ENAH: variants seen among roughly 807,000 people sequenced by gnomAD.
The protein encoded by ENAH is protein enabled homolog.
ENAH carries 23 observed loss-of-function variants against 78.7 expected under a neutral mutation model. The ratio of observed to expected loss-of-function variants is 0.29; its 90% CI spans 0.21 to 0.41. The LOEUF (loss-of-function observed/expected upper bound fraction) is 0.41, where lower values mean the gene tolerates loss of function less well. Among genes scored for constraint, ENAH ranks in the 10% least tolerant of loss-of-function variants. The pLI, the probability that ENAH is intolerant of heterozygous loss-of-function variation, is 1.00. For synonymous variants in ENAH, 226 were observed against 241.0 expected, an observed-to-expected ratio of 0.94 and a Z score of 0.58; for missense variants, 544 against 691.0, an observed-to-expected ratio of 0.79 and a Z score of 2.39.
intron 3 of ENAH, among the ~76,000 whole-genome samples, chr1:225,533,638 T>C (rs1326582144): frequency 6.6e-6 from 1 of 152,120 alleles, no homozygotes; most frequent in Non-Finnish European, 1.5e-5. Context: ...AGAAGGTATA[T>C]AGCAAAGTCT....
Position 225,511,841 on chromosome 1 carries a change from T to A in ENAH, c.1441A>T (p.Thr481Ser). The change falls in exon 10 of 14, where the codon ACT becomes TCT. Residue 481 changes from threonine (T) to serine (S), a missense_variant. Physicochemically the swap from Thr to Ser is moderately conservative, Grantham distance 58. Transcript: ENST00000366843. ...GTACTTGTTGAAGAGGCCTTAGAAG[T>A]TACAGGCTCTGAATCTTCCTAAATA... ...EDKGEDSEPV[T>S]SKASSTSTPE... 1 of 1,605,072 alleles carries A rather than the reference T, an allele frequency of 6.2e-7. No homozygotes were observed. Among genetic ancestry groups the A allele is most frequent in the Non-Finnish European group, 8.5e-7 (1 of 1,173,176 alleles).
chr1:225,564,606 T>C (rs2096725678), intron 2 of ENAH, among the ~76,000 whole-genome samples: 1 of 151,852 alleles, frequency 6.6e-6, no homozygotes, highest in South Asian at 2.1e-4. Context: ...GTTTGGGTTT[T>C]AAAAAATAGT....
At chr1:225,617,271 A>G (rs907123056) in intron 1 of ENAH, among the ~76,000 whole-genome samples, 1 of 152,216 alleles carries the variant, frequency 6.6e-6, no homozygotes, top group Non-Finnish European at 1.5e-5. Flanking sequence ...TCTAAAAGTG[A>G]ATTTAAATTC....
At chr1:225,649,837 G>A (rs1035704047) in intron 1 of ENAH, among the ~76,000 whole-genome samples, 2 of 152,054 alleles carry the variant, frequency 1.3e-5, no homozygotes, top group African/African-American at 2.4e-5. Context: ...TAGTTATACC[G>A]TAATATATTC....
At chr1:225,531,753 AGTG>A (rs1382448142) in intron 3 of ENAH, among the ~76,000 whole-genome samples, 1 of 152,128 alleles carries the variant, frequency 6.6e-6, no homozygotes, top group Non-Finnish European at 1.5e-5. Context: ...ATTTTATACT[AGTG>A]GAGTAGATTT....
At chr1:225,591,239 CA>C (rs2096874059) in intron 1 of ENAH, among the ~76,000 whole-genome samples, 2 of 152,056 alleles carry the variant, frequency 1.3e-5, no homozygotes, top group African/African-American at 2.4e-5. Flanking sequence ...GAGGCCAAGG[CA>C]GGGGGATCAT....
intron 2 of ENAH, among the ~76,000 whole-genome samples, chr1:225,565,706 G>C (rs1483435863): frequency 6.6e-6 from 1 of 152,016 alleles, no homozygotes; most frequent in Non-Finnish European, 1.5e-5. Flanking sequence ...GTCGCTGCTG[G>C]AACAAAGACA....
intron 1 of ENAH, among the ~76,000 whole-genome samples, chr1:225,611,256 G>A (rs78766073): frequency 0.055 from 8,342 of 152,068 alleles, 355 homozygotes; most frequent in South Asian, 0.11. Context: ...ATGAGCCTGG[G>A]AGTTCTAGAC....
At chr1:225,579,237 T>C (rs977187003) in intron 1 of ENAH, among the ~76,000 whole-genome samples, 2 of 152,232 alleles carry the variant, frequency 1.3e-5, no homozygotes, top group African/African-American at 4.8e-5. Flanking sequence ...CTATAAACTA[T>C]ATTAGTTCCA....
rs1291095713 is a variant in ENAH at position 225,492,285 on chromosome 1, CCT to C, written c.*5488_*5489del. 5.3e-5 allele frequency: 8 copies of C among 152,138 alleles called. No homozygotes were observed. Among genetic ancestry groups the C allele is most frequent in the Admixed American group, 2.6e-4 (4 of 15,278 alleles). 9.4% of individuals were successfully genotyped at this position (152,138 alleles called of 1,614,324 possible). ...AAATTTTTTTGTAGAAATGAGTCTC[CCT>C]GTTACCCAGGCTGATCTCAAAACTT... On this transcript the variant is annotated 3_prime_UTR_variant, in exon 14 of 14. Transcript: ENST00000366843.
intron 1 of ENAH, among the ~76,000 whole-genome samples, chr1:225,643,502 A>C (rs1000265764): frequency 3.5e-4 from 53 of 152,260 alleles, no homozygotes; most frequent in African/African-American, 1.3e-3. Flanking sequence ...AAAGATGTTC[A>C]CAGCAGTGTT....
chr1:225,593,136 G>A (rs1267411559), intron 1 of ENAH, among the ~76,000 whole-genome samples: 2 of 152,088 alleles, frequency 1.3e-5, no homozygotes, highest in Non-Finnish European at 2.9e-5. Context: ...ATTGATAAGA[G>A]ATGGCACATA....
At chr1:225,570,621 T>C (rs2096756864) in intron 1 of ENAH, among the ~76,000 whole-genome samples, 1 of 152,146 alleles carries the variant, frequency 6.6e-6, no homozygotes, top group Admixed American at 6.6e-5. Flanking sequence ...CTCCTTCTTG[T>C]GATTTTTTAA....
chr1:225,628,304 G>A (rs1047453810), intron 1 of ENAH, among the ~76,000 whole-genome samples: 3 of 152,224 alleles, frequency 2.0e-5, no homozygotes, highest in South Asian at 4.1e-4. Flanking sequence ...TTTTAAAATC[G>A]TTTCTATTCC....
chr1:225,611,900 TAAA>T (rs1180199211), intron 1 of ENAH, among the ~76,000 whole-genome samples: 1 of 152,078 alleles, frequency 6.6e-6, no homozygotes, highest in Non-Finnish European at 1.5e-5. Flanking sequence ...ATGGCTATCA[TAAA>T]AAACAAAACA....
At chr1:225,567,216 T>A in intron 2 of ENAH, 33 bp downstream of exon 2, 1 of 1,600,002 alleles carries the variant, frequency 6.2e-7, no homozygotes. Context: ...TAATACTAAA[T>A]CATTTTTAAC....
chr1:225,630,247 T>A (rs1211845809), intron 1 of ENAH, among the ~76,000 whole-genome samples: 6 of 152,130 alleles, frequency 3.9e-5, no homozygotes, highest in African/African-American at 7.2e-5. Flanking sequence ...ATTTTTTTTT[T>A]AAATCAATGC....
intron 4 of ENAH, 138 bp downstream of exon 4, chr1:225,530,416 C>A: frequency 1.6e-6 from 1 of 640,696 alleles, no homozygotes. Flanking sequence ...TAATGACAGT[C>A]ACAAAACTTA....
At chr1:225,530,012 G>C (rs1033291207) in intron 4 of ENAH, among the ~76,000 whole-genome samples, 2 of 152,156 alleles carry the variant, frequency 1.3e-5, no homozygotes, top group South Asian at 4.1e-4. Context: ...AGGCCTGCCT[G>C]CTCACCATCC....
Sources: allele counts gnomAD v4.1 joint callset (sites outside exome capture counted in the v4.1 genomes callset), GRCh38; gene constraint gnomAD v4.1.1; transcripts MANE v1.5; gene names NCBI Gene and HGNC (gene_info 2026-07-23, HGNC 2026-07-21).